Variants in HSD17B12 observed in about 807,000 individuals in gnomAD.
HSD17B12 encodes very-long-chain 3-oxoacyl-CoA reductase.
HSD17B12 carries 32 observed loss-of-function variants against 39.3 expected under a neutral mutation model. The observed-to-expected ratio is 0.81, with a 90% CI of 0.61 to 1.09. The LOEUF is 1.09. HSD17B12 is among the 50% of genes least tolerant of loss of function. The pLI is 0.00. For missense variants in HSD17B12, 342 were observed against 382.9 expected, an observed-to-expected ratio of 0.89 and a Z score of 0.89; for synonymous variants, 150 against 146.7, an observed-to-expected ratio of 1.02 and a Z score of -0.16.
the HSD17B12 span, among the ~76,000 whole-genome samples, chr11:43,654,961 T>A: frequency 1.3e-5 from 2 of 152,210 alleles, no homozygotes; most frequent in African/African-American, 4.8e-5. Context: ...GGTATTTTGA[T>A]GGGGATGGCA....
chr11:43,608,324 T>G, the HSD17B12 span, among the ~76,000 whole-genome samples: 1 of 149,846 alleles, frequency 6.7e-6, no homozygotes, highest in Admixed American at 6.7e-5. Context: ...ATCATGCCAC[T>G]GCACTCTATC....
chr11:43,664,194 T>C, the HSD17B12 span, among the ~76,000 whole-genome samples: 1 of 152,282 alleles, frequency 6.6e-6, no homozygotes, highest in South Asian at 2.1e-4. Context: ...ACAGGCTAAG[T>C]CATAAATCAG....
intron 3 of HSD17B12, among the ~76,000 whole-genome samples, chr11:43,761,637 AT>A (rs1407069064): frequency 6.6e-6 from 1 of 152,222 alleles, no homozygotes; most frequent in African/African-American, 2.4e-5. Context: ...AAGATCTAAG[AT>A]GGCTTCTCTT....
chr11:43,767,589 C>T (rs1950606732), intron 3 of HSD17B12, among the ~76,000 whole-genome samples: 1 of 152,104 alleles, frequency 6.6e-6, no homozygotes, highest in Non-Finnish European at 1.5e-5. Flanking sequence ...ATTTTTGTTA[C>T]ATGCTAATTT....
the HSD17B12 span, among the ~76,000 whole-genome samples, chr11:43,588,570 T>A: frequency 6.6e-6 from 1 of 150,974 alleles, no homozygotes; most frequent in Non-Finnish European, 1.5e-5. Context: ...GTAAAGAGCC[T>A]AGTCAGTGTT....
the HSD17B12 span, among the ~76,000 whole-genome samples, chr11:43,666,410 G>T: frequency 2.6e-5 from 4 of 151,998 alleles, no homozygotes; most frequent in South Asian, 2.1e-4. Context: ...TTGCCATACT[G>T]CCCAGGCTGG....
chr11:43,728,781 T>G (rs528790684), intron 1 of HSD17B12, among the ~76,000 whole-genome samples: 160 of 152,302 alleles, frequency 1.1e-3, no homozygotes, highest in African/African-American at 3.8e-3. Flanking sequence ...AATAATCCAT[T>G]TTTTCTTCAC....
chr11:43,727,615 T>C (rs1950232810), intron 1 of HSD17B12, among the ~76,000 whole-genome samples: 1 of 152,050 alleles, frequency 6.6e-6, no homozygotes, highest in Non-Finnish European at 1.5e-5. Flanking sequence ...CCACCCTACC[T>C]GGCTTATAAG....
At chr11:43,590,124 T>C in the HSD17B12 span, among the ~76,000 whole-genome samples, 1 of 152,004 alleles carries the variant, frequency 6.6e-6, no homozygotes, top group Non-Finnish European at 1.5e-5. Flanking sequence ...GAAAAGTGAA[T>C]GTAAAATGAC....
chr11:43,620,348 A>G, the HSD17B12 span, among the ~76,000 whole-genome samples: 6 of 152,232 alleles, frequency 3.9e-5, no homozygotes, highest in African/African-American at 9.6e-5. Context: ...TCAGTGTTAC[A>G]TAGTGAGAAA....
At chr11:43,745,276 A>G (rs866798422) in intron 1 of HSD17B12, among the ~76,000 whole-genome samples, 5 of 152,354 alleles carry the variant, frequency 3.3e-5, no homozygotes, top group Middle Eastern at 3.4e-3. Context: ...ATGGATACGC[A>G]CATGCAACAG....
intron 1 of HSD17B12, 140 bp downstream of exon 1, chr11:43,681,127 C>G: frequency 1.4e-6 from 2 of 1,419,778 alleles, no homozygotes; most frequent in Admixed American, 3.1e-5. Flanking sequence ...CCCCGCGGGC[C>G]CCTCCTGGCT....
the HSD17B12 span, among the ~76,000 whole-genome samples, chr11:43,601,519 TA>T: frequency 7.0e-6 from 1 of 142,960 alleles, no homozygotes; most frequent in Non-Finnish European, 1.5e-5. Flanking sequence ...TTTTTTTTTT[TA>T]AAGTAGCCTG....
chr11:43,642,669 CAG>C, the HSD17B12 span, among the ~76,000 whole-genome samples: 1 of 151,616 alleles, frequency 6.6e-6, no homozygotes, highest in Admixed American at 6.6e-5. Context: ...GGGAAAAAAA[CAG>C]AGCTTTGCCT....
At chr11:43,709,069 C>T (rs567115007) in intron 1 of HSD17B12, among the ~76,000 whole-genome samples, 2 of 152,264 alleles carry the variant, frequency 1.3e-5, no homozygotes, top group South Asian at 2.1e-4. Flanking sequence ...GTTCAAGCTG[C>T]GTAGCTGTTT....
chr11:43,723,679 A>C (rs755334487), intron 1 of HSD17B12, among the ~76,000 whole-genome samples: 3 of 152,262 alleles, frequency 2.0e-5, no homozygotes, highest in Non-Finnish European at 4.4e-5. Flanking sequence ...TTACTAACAA[A>C]ACGTTCAGTT....
At chr11:43,803,414 T>C (rs1172045054) in intron 4 of HSD17B12, among the ~76,000 whole-genome samples, 1 of 152,202 alleles carries the variant, frequency 6.6e-6, no homozygotes, top group Non-Finnish European at 1.5e-5. Context: ...TTCTCTAAAA[T>C]ATTCTATGTA....
chr11:43,561,451 A>G, the HSD17B12 span, among the ~76,000 whole-genome samples: 1 of 152,196 alleles, frequency 6.6e-6, no homozygotes, highest in African/African-American at 2.4e-5. Context: ...TCCTGCCTTC[A>G]TCAACTGCCT....
chr11:43,599,722 C>T, the HSD17B12 span, among the ~76,000 whole-genome samples: 1 of 152,104 alleles, frequency 6.6e-6, no homozygotes, highest in Non-Finnish European at 1.5e-5. Flanking sequence ...TTAACAATTT[C>T]CTAGGCACAG....
Sources: allele counts gnomAD v4.1 joint callset (sites outside exome capture counted in the v4.1 genomes callset), GRCh38; gene constraint gnomAD v4.1.1; transcripts MANE v1.5; gene names NCBI Gene and HGNC (gene_info 2026-07-23, HGNC 2026-07-21).